The following DBX2 variants were observed in gnomAD, a reference collection of about 807,000 sequenced individuals.
The protein encoded by DBX2 is developing brain homeobox 2.
Under a neutral mutation model 17.7 loss-of-function variants are expected in DBX2, and 16 were observed. The observed-to-expected ratio is 0.90, with a 90% CI of 0.61 to 1.37. The LOEUF is 1.37. Ranked by LOEUF, DBX2 falls within the 40% of genes most tolerant of loss-of-function variation. The pLI is 0.00. For missense variants in DBX2, 538 were observed against 433.8 expected, an observed-to-expected ratio of 1.24 and a Z score of -2.13; for synonymous variants, 255 against 183.8, an observed-to-expected ratio of 1.39 and a Z score of -3.13.
intron 1 of DBX2, among the ~76,000 whole-genome samples, chr12:45,044,461 G>A (rs1946488610): frequency 6.6e-6 from 1 of 152,082 alleles, no homozygotes; most frequent in Non-Finnish European, 1.5e-5. Context: ...CTTTTCAAGA[G>A]GCTTTGTGGA....
chr12:45,022,358 C>G (rs1256111140), intron 3 of DBX2, among the ~76,000 whole-genome samples: 1 of 138,702 alleles, frequency 7.2e-6, no homozygotes, highest in Admixed American at 8.3e-5. Flanking sequence ...GGCTGGAGCG[C>G]AATGGCATGA....
At chr12:45,033,575 T>C (rs1946420766) in intron 2 of DBX2, among the ~76,000 whole-genome samples, 1 of 152,186 alleles carries the variant, frequency 6.6e-6, no homozygotes, top group African/African-American at 2.4e-5. Flanking sequence ...AAATTCTTTA[T>C]TGACAGCTTA....
chr12:45,029,913 A>AAT (rs375465229), intron 2 of DBX2, among the ~76,000 whole-genome samples: 2 of 144,740 alleles, frequency 1.4e-5, no homozygotes, highest in African/African-American at 2.6e-5. Flanking sequence ...TAAATAAATA[A>AAT]AAATAAAGAA....
Position 45,036,063 on chromosome 12 carries a change from C to T in DBX2, c.455G>A (p.Cys152Tyr). Residue 152 changes from cysteine (C) to tyrosine (Y), a missense_variant, in exon 2 of 4, where the codon TGC (cysteine) becomes TAC (tyrosine). Coordinates refer to ENST00000332700, the MANE Select transcript of DBX2 (RefSeq NM_001004329.3). Reference sequence around the variant, plus strand: ...TGCAGGGCGCCGACAGGACCCACCGCAGCACGCCGAGTAGAATGGCGGGGT... The same window carrying T: ...TGCAGGGCGCCGACAGGACCCACCGTAGCACGCCGAGTAGAATGGCGGGGT... Reference protein sequence around the residue: ...LSTPPFYSACCGGSCRRPASS... With the variant: ...LSTPPFYSACYGGSCRRPASS... 2 of 1,613,826 alleles carry T rather than the reference C, an allele frequency of 1.2e-6. No homozygotes were observed. The highest frequency in any genetic ancestry group is 1.7e-6 in the Non-Finnish European group (2 of 1,179,932).
rs753042794 is a variant in DBX2 at position 45,036,031 on chromosome 12, T to C, written c.487A>G (p.Thr163Ala). Residue 163 changes from threonine (T) to alanine (A), a missense_variant, in exon 2 of 4, where the codon ACT (threonine) becomes GCT (alanine). Coordinates refer to ENST00000332700, the MANE Select transcript of DBX2 (RefSeq NM_001004329.3). ...GGSCRRPASS[T>A]AFPREESMLP... ...GATAAAAACTTACTTGGAAAAGCAG[T>C]GGAGGATGCAGGGCGCCGACAGGAC... is the stretch of plus-strand genomic sequence containing the variant. The C allele has an allele frequency of 1.2e-6, 2 of 1,612,892 alleles. No individual in the cohort carries two copies. The highest frequency in any genetic ancestry group is 1.7e-6 in the Non-Finnish European group (2 of 1,179,640).
intron 3 of DBX2, among the ~76,000 whole-genome samples, chr12:45,022,307 T>TG (rs1197984105): frequency 3.6e-5 from 5 of 138,208 alleles, no homozygotes; most frequent in Non-Finnish European, 6.3e-5. Flanking sequence ...TGTTTTTTTT[T>TG]TTTTTTTTTT....
chr12:45,041,739 G>C (rs998195244), intron 1 of DBX2, among the ~76,000 whole-genome samples: 19 of 152,216 alleles, frequency 1.2e-4, no homozygotes, highest in Non-Finnish European at 4.4e-5. Context: ...CAAATAGTAT[G>C]TACTGCCTAT....
At chr12:45,033,205 G>A (rs1311451476) in intron 2 of DBX2, among the ~76,000 whole-genome samples, 3 of 152,184 alleles carry the variant, frequency 2.0e-5, no homozygotes, top group Non-Finnish European at 4.4e-5. Context: ...CAGGTTAAGA[G>A]TCAAAATTAT....
intron 3 of DBX2, among the ~76,000 whole-genome samples, chr12:45,022,654 G>C (rs908031547): frequency 1.3e-5 from 2 of 152,156 alleles, no homozygotes; most frequent in African/African-American, 4.8e-5. Flanking sequence ...CATCTGTAGT[G>C]AGGAACAACA....
chr12:45,037,875 A>C (rs1045451491), intron 1 of DBX2, among the ~76,000 whole-genome samples: 1 of 152,040 alleles, frequency 6.6e-6, no homozygotes, highest in African/African-American at 2.4e-5. Flanking sequence ...TTTTTTAAAT[A>C]CTTGGGTTTT....
Position 45,036,044 on chromosome 12 carries a change from G to T in DBX2, c.474C>A (p.Arg158=). The change falls in exon 2 of 4, where the codon CGC becomes CGA. Residue 158 remains arginine, a synonymous_variant. Coordinates refer to ENST00000332700, the MANE Select transcript of DBX2 (RefSeq NM_001004329.3). The stretch of plus-strand genomic sequence containing the variant: ...TTGGAAAAGCAGTGGAGGATGCAGG[G>T]CGCCGACAGGACCCACCGCAGCACG... ...YSACCGGSCR[R]PASSTAFPRE... The T allele has an allele frequency of 6.2e-7, 1 of 1,613,644 alleles. No homozygotes were observed. Among genetic ancestry groups the T allele is most frequent in the Non-Finnish European group, 8.5e-7 (1 of 1,179,870 alleles).
chr12:45,049,246 G>GA (rs551875017), intron 1 of DBX2, among the ~76,000 whole-genome samples: 56 of 152,146 alleles, frequency 3.7e-4, no homozygotes, highest in Non-Finnish European at 7.2e-4. Context: ...AAATTTTCTG[G>GA]AAAATGTTAT....
At chr12:45,036,143 T>C in intron 1 of DBX2, 29 bp from the exon 2 acceptor site, 2 of 1,562,804 alleles carry the variant, frequency 1.3e-6, no homozygotes, top group African/African-American at 1.4e-5. Context: ...TCTCATTGAT[T>C]AGCCATTTCT....
At chr12:45,030,755 A>G (rs1226162908) in intron 2 of DBX2, among the ~76,000 whole-genome samples, 2 of 150,848 alleles carry the variant, frequency 1.3e-5, no homozygotes, top group African/African-American at 5.0e-5. Context: ...AAGGAAAATG[A>G]TAGCGTAAGT....
intron 3 of DBX2, among the ~76,000 whole-genome samples, chr12:45,022,600 G>A (rs2731040): frequency 0.54 from 82,350 of 151,834 alleles, 23,047 homozygotes; most frequent in East Asian, 0.8. Context: ...CACCGCGCCC[G>A]GCCAATAACT....
rs763552825 is a variant in DBX2, at chr12:45,050,929, G to A, written c.-2C>T. Reference sequence around the variant, plus strand: ...GGCTGCGACCGCGCTGGGGAGCATAGTGCGGCGCCAACCGGTCTGCTGCGC... The same window carrying A: ...GGCTGCGACCGCGCTGGGGAGCATAATGCGGCGCCAACCGGTCTGCTGCGC... On this transcript the variant is annotated 5_prime_UTR_variant, in exon 1 of 4. Coordinates refer to ENST00000332700, the MANE Select transcript of DBX2 (RefSeq NM_001004329.3). The A allele has an allele frequency of 6.8e-7, 1 of 1,462,328 alleles. No individual in the cohort carries two copies. The highest frequency in any genetic ancestry group is 1.4e-5 in the South Asian group (1 of 71,660). 90.6% of individuals were successfully genotyped at this position (1,462,328 alleles called of 1,614,324 possible).
chr12:45,050,178 C>T (rs1372266038), intron 1 of DBX2, among the ~76,000 whole-genome samples: 1 of 152,208 alleles, frequency 6.6e-6, no homozygotes, highest in Non-Finnish European at 1.5e-5. Flanking sequence ...AAACGTTGAA[C>T]TTGGTGAAAC....
In DBX2 at chr12:45,016,071, T is replaced by A. The variant is rs750663083; in HGVS notation, c.*215A>T. On this transcript the variant is annotated 3_prime_UTR_variant, in exon 4 of 4. Transcript: ENST00000332700. ...GTTGCTCTCCTTCTTTTCAGTTCTGTCATACTTGCTGGGAGATTCTATTCC... is the reference window on the plus strand; with the variant it reads ...GTTGCTCTCCTTCTTTTCAGTTCTGACATACTTGCTGGGAGATTCTATTCC... The A allele has an allele frequency of 2.2e-6, 1 of 447,024 alleles. No individual in the cohort carries two copies. The allele number at this position is 447,024 out of a possible 1,614,324, so 27.7% of individuals were successfully genotyped here.
intron 3 of DBX2, among the ~76,000 whole-genome samples, chr12:45,022,302 T>G (rs1050672536): frequency 8.9e-5 from 12 of 134,470 alleles, no homozygotes; most frequent in Non-Finnish European, 1.6e-4. Flanking sequence ...ATAACTGTTT[T>G]TTTTTTTTTT....
Sources: gnomAD v4.1 joint callset for allele counts (sites outside exome capture counted in the v4.1 genomes callset) on GRCh38, gnomAD v4.1.1 for gene constraint, MANE v1.5 for transcripts, NCBI Gene and HGNC (gene_info 2026-07-23, HGNC 2026-07-21) for gene names.